KCNK5: variants seen among roughly 807,000 people sequenced by gnomAD.
KCNK5 encodes the protein potassium two pore domain channel subfamily K member 5.
A neutral mutation model predicts 32.9 loss-of-function variants in KCNK5; 18 were observed. That is an observed-to-expected ratio of 0.55 (90% CI 0.38 to 0.81). The LOEUF (loss-of-function observed/expected upper bound fraction) is 0.81, where lower values mean the gene tolerates loss of function less well. KCNK5 is among the 30% of genes least tolerant of loss of function. The pLI is 0.00. For synonymous variants in KCNK5, 276 were observed against 275.3 expected, an observed-to-expected ratio of 1.00 and a Z score of -0.03; for missense variants, 507 against 651.0, an observed-to-expected ratio of 0.78 and a Z score of 2.41.
intron 1 of KCNK5, among the ~76,000 whole-genome samples, chr6:39,222,328 A>G (rs972004695): frequency 4.6e-5 from 7 of 152,206 alleles, no homozygotes; most frequent in Non-Finnish European, 1.5e-5. Context: ...CCCACACTAC[A>G]TCACATCAGC....
chr6:39,212,682 C>T (rs569083588), intron 1 of KCNK5, among the ~76,000 whole-genome samples: 1 of 152,326 alleles, frequency 6.6e-6, no homozygotes, highest in African/African-American at 2.4e-5. Flanking sequence ...ACACCCCCAC[C>T]ACCTTTGTGT....
Position 39,194,538 on chromosome 6 carries a change from C to A in KCNK5, c.465+56G>T. ...CAATTCCTAGAGGCCTCCTGTCCTC[C>A]CCTCACCTGTCATGGTTCCCCCATC... On this transcript the variant is annotated intron_variant, in intron 3 of 4. Transcript: ENST00000359534. This position sits in a 1 kb window ranked among gnomAD's most constrained non-coding sequence, Gnocchi z 4.7. 1 of 1,587,238 alleles carries A rather than the reference C, an allele frequency of 6.3e-7. No individual in the cohort carries two copies. The highest frequency in any genetic ancestry group is 2.2e-5 in the East Asian group (1 of 44,664).
chr6:39,193,221 G>A (rs1562050014), intron 4 of KCNK5, among the ~76,000 whole-genome samples: 1 of 152,194 alleles, frequency 6.6e-6, no homozygotes, highest in Non-Finnish European at 1.5e-5. Context: ...CCTGCTCTGG[G>A]CCTCAAGGGC....
intron 1 of KCNK5, among the ~76,000 whole-genome samples, chr6:39,209,806 A>G (rs1250973179): frequency 6.6e-6 from 1 of 152,162 alleles, no homozygotes; most frequent in African/African-American, 2.4e-5. Context: ...GTGAAAGAAC[A>G]TTTGACAGAT....
chr6:39,194,374 G>A lies in KCNK5; in HGVS notation c.466-37C>T. On this transcript the variant is annotated intron_variant, in intron 3 of 4. Coordinates refer to ENST00000359534, the MANE Select transcript of KCNK5 (RefSeq NM_003740.4). The surrounding 1 kb of genome is among the most constrained non-coding windows in gnomAD (Gnocchi z 4.7). ...CAGGAGGCCAAGTCAGAGAATAGTG[G>A]AGACTTGGAAACCCAGCAAAGGCAC... The A allele has an allele frequency of 6.4e-7, 1 of 1,567,108 alleles. No individual in the cohort carries two copies. Among genetic ancestry groups the A allele is most frequent in the Non-Finnish European group, 8.7e-7 (1 of 1,155,726 alleles).
intron 1 of KCNK5, among the ~76,000 whole-genome samples, chr6:39,204,376 T>C (rs933850324): frequency 3.3e-5 from 5 of 152,250 alleles, no homozygotes; most frequent in African/African-American, 9.6e-5. Context: ...TGCTTCTCTG[T>C]ACAATGAGGA....
chr6:39,203,568 C>T (rs1287169421), intron 1 of KCNK5, among the ~76,000 whole-genome samples: 1 of 152,216 alleles, frequency 6.6e-6, no homozygotes, highest in East Asian at 1.9e-4. Context: ...CCAGTACCTC[C>T]CCAGGTGAGG....
chr6:39,228,505 G>A (rs953774056), intron 1 of KCNK5, among the ~76,000 whole-genome samples: 5 of 152,176 alleles, frequency 3.3e-5, no homozygotes, highest in African/African-American at 1.2e-4. Flanking sequence ...CGTGGCACTG[G>A]CCCTGGAGCG....
At chr6:39,217,330 G>A (rs954216679) in intron 1 of KCNK5, among the ~76,000 whole-genome samples, 18 of 151,962 alleles carry the variant, frequency 1.2e-4, no homozygotes, top group African/African-American at 4.3e-4. Flanking sequence ...CCAGGGCTTT[G>A]GCTTAGTCTA....
chr6:39,222,337 G>A (rs1338102728), intron 1 of KCNK5, among the ~76,000 whole-genome samples: 1 of 152,216 alleles, frequency 6.6e-6, no homozygotes, highest in African/African-American at 2.4e-5. Context: ...CATCACATCA[G>A]CAGGAGAAAG....
rs554614729 is a variant in KCNK5, at chr6:39,191,569, C to T, written c.821G>A (p.Arg274Gln). The T allele has an allele frequency of 3.2e-5, 52 of 1,613,944 alleles. No homozygotes were observed. Among genetic ancestry groups the T allele is most frequent in the South Asian group, 2.9e-4 (26 of 91,070 alleles). ...GCTCCCCTTCACCTGCAGGGCCTTC[C>T]GGGAGTGTGGGGAGCTCTCAAAGGA... ...KESFESSPHS[R>Q]KALQVKGSTA... Residue 274 changes from arginine (R) to glutamine (Q), a missense_variant, in exon 5 of 5, where the codon CGG (arginine) becomes CAG (glutamine). This residue lies in a region of KCNK5 where 42 missense variants were observed against 35.3 expected (regional missense o/e 1.19). Coordinates refer to ENST00000359534, the MANE Select transcript of KCNK5 (RefSeq NM_003740.4). This position sits in a 1 kb window ranked among gnomAD's most constrained non-coding sequence, Gnocchi z 5.8.
In KCNK5 at chr6:39,191,604, TCGCCGC is replaced by T. The variant is rs1162385058; in HGVS notation, c.780_785del (p.Arg262_Arg263del). 1.2e-6 allele frequency: 2 copies of T among 1,613,826 alleles called. No homozygotes were observed. The highest frequency in any genetic ancestry group is 1.7e-6 in the Non-Finnish European group (2 of 1,179,996). On this transcript the variant is annotated inframe_deletion, in exon 5 of 5. Transcript: ENST00000359534. The surrounding 1 kb of genome is among the most constrained non-coding windows in gnomAD (Gnocchi z 5.8). ...GGGAGCTCTCAAAGGACTCCTTCCGTCGCCGCCGCCGCTTCTTAATGGCTTTGTGGA... is the reference window on the plus strand; with the variant it reads ...GGGAGCTCTCAAAGGACTCCTTCCGTCGCCGCTTCTTAATGGCTTTGTGGA...
chr6:39,223,493 A>G (rs1324785508), intron 1 of KCNK5, among the ~76,000 whole-genome samples: 1 of 152,226 alleles, frequency 6.6e-6, no homozygotes, highest in African/African-American at 2.4e-5. Flanking sequence ...CCTACAAGGA[A>G]TATTGGAAGG....
intron 4 of KCNK5, among the ~76,000 whole-genome samples, chr6:39,192,493 G>T (rs1770959543): frequency 6.6e-6 from 1 of 152,144 alleles, no homozygotes; most frequent in Admixed American, 6.5e-5. Context: ...TTACACAAGG[G>T]AGCCCCCAGC....
intron 1 of KCNK5, among the ~76,000 whole-genome samples, chr6:39,224,297 A>G (rs772273965): frequency 2.6e-5 from 4 of 152,222 alleles, no homozygotes; most frequent in Non-Finnish European, 4.4e-5. Flanking sequence ...TGTTCCTTTT[A>G]CTTACAAAGG....
chr6:39,210,693 G>A (rs73731720), intron 1 of KCNK5, among the ~76,000 whole-genome samples: 2,931 of 152,272 alleles, frequency 0.019, 52 homozygotes, highest in African/African-American at 0.045. Flanking sequence ...ACCCTGCTCA[G>A]GAGGATCTCA....
chr6:39,206,094 T>TAGAAAGATGGTGAAGCCAAAC (rs1287613559), intron 1 of KCNK5, among the ~76,000 whole-genome samples: 3 of 152,088 alleles, frequency 2.0e-5, no homozygotes, highest in Non-Finnish European at 4.4e-5. Flanking sequence ...ATAGAGAGGC[T>TAGAAAGATGGTGAAGCCAAAC]AGAAAGATGG....
chr6:39,216,992 A>T (rs1771449075), intron 1 of KCNK5, among the ~76,000 whole-genome samples: 1 of 151,926 alleles, frequency 6.6e-6, no homozygotes, highest in Middle Eastern at 3.4e-3. Context: ...GTGGTGGCAC[A>T]TGCCTGTAAT....
At chr6:39,204,056 G>T (rs1413485428) in intron 1 of KCNK5, among the ~76,000 whole-genome samples, 2 of 152,252 alleles carry the variant, frequency 1.3e-5, no homozygotes, top group African/African-American at 2.4e-5. Context: ...CCTGAGCTTT[G>T]TCTCTCCCAG....
Sources: allele counts gnomAD v4.1 joint callset (sites outside exome capture counted in the v4.1 genomes callset), GRCh38; gene constraint gnomAD v4.1.1; regional missense constraint gnomAD v4.1.1; non-coding constraint Gnocchi (gnomAD v3.1); transcripts MANE v1.5; gene names NCBI Gene and HGNC (gene_info 2026-07-23, HGNC 2026-07-21).